The following PTPRD variants were observed in gnomAD, a reference collection of about 807,000 sequenced individuals.
PTPRD encodes the protein protein tyrosine phosphatase receptor type D.
PTPRD carries 34 observed loss-of-function variants against 214.5 expected under a neutral mutation model. The ratio of observed to expected loss-of-function variants is 0.16; its 90% CI spans 0.12 to 0.21. PTPRD has a LOEUF of 0.21. Among genes scored for constraint, PTPRD ranks in the 10% least tolerant of loss-of-function variants. The pLI is 1.00. For synonymous variants in PTPRD, 1,128 were observed against 845.7 expected, an observed-to-expected ratio of 1.33 and a Z score of -5.79; for missense variants, 2,545 against 2,398.7, an observed-to-expected ratio of 1.06 and a Z score of -1.27.
intron 11 of PTPRD, among the ~76,000 whole-genome samples, chr9:8,746,426 T>C (rs896382999): frequency 6.6e-6 from 1 of 152,112 alleles, no homozygotes; most frequent in African/African-American, 2.4e-5. Context: ...GCGAAAAAAA[T>C]ATTATTCCAA....
chr9:10,071,938 T>C (rs1341947387), intron 3 of PTPRD, among the ~76,000 whole-genome samples: 1 of 151,978 alleles, frequency 6.6e-6, no homozygotes, highest in Non-Finnish European at 1.5e-5. Context: ...ATCTACTAAA[T>C]TATATATTCT....
At chr9:10,073,497 T>C (rs2098073520) in intron 3 of PTPRD, among the ~76,000 whole-genome samples, 1 of 152,058 alleles carries the variant, frequency 6.6e-6, no homozygotes, top group Admixed American at 6.6e-5. Flanking sequence ...AGAAATAACA[T>C]TAGGTAAAAA....
chr9:9,653,670 A>G (rs1366123452), intron 7 of PTPRD, among the ~76,000 whole-genome samples: 1 of 152,116 alleles, frequency 6.6e-6, no homozygotes, highest in Admixed American at 6.5e-5. Context: ...ATTCCAATAT[A>G]AGCTTTGAAA....
intron 11 of PTPRD, among the ~76,000 whole-genome samples, chr9:8,947,419 T>C (rs1271978066): frequency 7.2e-6 from 1 of 138,556 alleles, no homozygotes; most frequent in Non-Finnish European, 1.5e-5. Context: ...GCTGAGATCA[T>C]GCCACTGAAT....
chr9:9,358,943 G>A (rs745443286), intron 9 of PTPRD, among the ~76,000 whole-genome samples: 1 of 151,206 alleles, frequency 6.6e-6, no homozygotes, highest in Non-Finnish European at 1.5e-5. Context: ...AAGCTGTTTG[G>A]GCAGGGCTTC....
At chr9:9,378,976 T>C (rs915804063) in intron 9 of PTPRD, among the ~76,000 whole-genome samples, 52 of 148,542 alleles carry the variant, frequency 3.5e-4, no homozygotes, top group African/African-American at 1.3e-3. Flanking sequence ...CTCTTGACAT[T>C]GTATTTGAAA....
At chr9:8,803,595 T>C (rs1043890359) in intron 11 of PTPRD, among the ~76,000 whole-genome samples, 1 of 152,052 alleles carries the variant, frequency 6.6e-6, no homozygotes, top group Admixed American at 6.6e-5. Flanking sequence ...TAGTCAGGCA[T>C]GGTGGCACAG....
intron 3 of PTPRD, among the ~76,000 whole-genome samples, chr9:10,110,430 A>G (rs1032471118): frequency 2.3e-4 from 35 of 152,182 alleles, no homozygotes; most frequent in Admixed American, 2.2e-3. Context: ...TCTGACTCTA[A>G]AGGGATGAGC....
In PTPRD at chr9:8,664,833, C is replaced by T. The variant is rs1402624677; in HGVS notation, c.65-27989G>A. 2.6e-5 allele frequency among the ~76,000 whole-genome samples: 4 copies of T among 152,140 alleles called. No individual in the cohort carries two copies. The East Asian group carries it at 5.8e-4, about 22-fold the overall frequency. On this transcript the variant is annotated intron_variant, in intron 12 of 45. Coordinates refer to ENST00000381196, the MANE Select transcript of PTPRD (RefSeq NM_002839.4). ...AAGTTTTAAATGCAATCTCTTGAGT[C>T]CCATGGTTTTATCACAGAAAGGTAC...
At chr9:8,842,160 C>G (rs572976794) in intron 11 of PTPRD, among the ~76,000 whole-genome samples, 19 of 151,770 alleles carry the variant, frequency 1.3e-4, no homozygotes, top group African/African-American at 4.6e-4. Flanking sequence ...TAAAAAATAC[C>G]AGAACCTGTG....
chr9:8,916,562 A>G (rs921128181), intron 11 of PTPRD, among the ~76,000 whole-genome samples: 19 of 152,196 alleles, frequency 1.2e-4, no homozygotes, highest in African/African-American at 4.6e-4. Flanking sequence ...AAGTTTGACT[A>G]TGAAATAGAA....
chr9:9,731,905 C>T (rs1015523236), intron 7 of PTPRD, among the ~76,000 whole-genome samples: 16 of 152,058 alleles, frequency 1.1e-4, no homozygotes, highest in Admixed American at 2.6e-4. Flanking sequence ...ACATTGTTTC[C>T]TCATTTAGCA....
intron 11 of PTPRD, among the ~76,000 whole-genome samples, chr9:8,823,223 C>A (rs545562968): frequency 6.6e-5 from 10 of 152,232 alleles, no homozygotes; most frequent in South Asian, 2.1e-4. Context: ...CTTTGCCTGA[C>A]CTCTAAATGT....
chr9:9,427,617 T>A (rs200941784), intron 8 of PTPRD, among the ~76,000 whole-genome samples: 1 of 152,040 alleles, frequency 6.6e-6, no homozygotes, highest in African/African-American at 2.4e-5. Context: ...TTGTCAGATT[T>A]ACCAAAGTTG....
intron 3 of PTPRD, among the ~76,000 whole-genome samples, chr9:10,136,172 A>C (rs2098941839): frequency 6.6e-6 from 1 of 152,020 alleles, no homozygotes; most frequent in Non-Finnish European, 1.5e-5. Context: ...ATTCAATTCA[A>C]CAAGAACACC....
chr9:8,499,301 C>T (rs2097344669), intron 25 of PTPRD, among the ~76,000 whole-genome samples: 1 of 152,180 alleles, frequency 6.6e-6, no homozygotes, highest in Admixed American at 6.5e-5. Flanking sequence ...TAGACTCCAT[C>T]AGCAAAATTG....
chr9:9,963,857 A>C (rs1032937674), intron 4 of PTPRD, among the ~76,000 whole-genome samples: 4 of 152,216 alleles, frequency 2.6e-5, no homozygotes, highest in Admixed American at 1.3e-4. Flanking sequence ...ATTGGAAACT[A>C]AACACTTGGA....
At chr9:8,746,809 C>T (rs570347138) in intron 11 of PTPRD, among the ~76,000 whole-genome samples, 3 of 149,766 alleles carry the variant, frequency 2.0e-5, no homozygotes, top group Non-Finnish European at 4.4e-5. Flanking sequence ...GCCTGGGCAA[C>T]ATAACAAGAC....
At chr9:9,632,764 T>C (rs953926088) in intron 7 of PTPRD, among the ~76,000 whole-genome samples, 1 of 152,076 alleles carries the variant, frequency 6.6e-6, no homozygotes, top group Non-Finnish European at 1.5e-5. Context: ...AATGGGACAG[T>C]TACATAGGTA....
Sources: gnomAD v4.1 joint callset for allele counts (sites outside exome capture counted in the v4.1 genomes callset) on GRCh38, gnomAD v4.1.1 for gene constraint, MANE v1.5 for transcripts, NCBI Gene and HGNC (gene_info 2026-07-23, HGNC 2026-07-21) for gene names.